Variants in WWC2 observed in about 807,000 individuals in gnomAD.
WWC2 encodes the protein protein WWC2.
A neutral mutation model predicts 138.5 loss-of-function variants in WWC2; 101 were observed. The ratio of observed to expected loss-of-function variants is 0.73; its 90% CI spans 0.62 to 0.86. The LOEUF is 0.86. Ranked by LOEUF, WWC2 falls within the 40% of genes least tolerant of loss-of-function variation. The probability of loss-of-function intolerance (pLI) is 0.00; values close to 1 mark genes in which losing one functional copy is unlikely to be tolerated. For missense variants in WWC2, 1,420 were observed against 1,419.4 expected (o/e 1.00, Z -0.01); for synonymous variants, 558 against 538.4 (o/e 1.04, Z -0.50).
At chr4:183,249,379 G>T (rs768846527) in intron 7 of WWC2, among the ~76,000 whole-genome samples, 7 of 152,256 alleles carry the variant, frequency 4.6e-5, no homozygotes, top group Non-Finnish European at 7.4e-5. Flanking sequence ...CCATTAGCAG[G>T]TATTTACTTC....
At chr4:183,232,498 A>G (rs1736276907) in intron 4 of WWC2, among the ~76,000 whole-genome samples, 2 of 152,118 alleles carry the variant, frequency 1.3e-5, no homozygotes, top group African/African-American at 4.8e-5. Context: ...CCTGTTACAG[A>G]CATTTCATAT....
intron 4 of WWC2, among the ~76,000 whole-genome samples, chr4:183,226,626 CAATAG>C (rs1736083495): frequency 6.6e-6 from 1 of 151,802 alleles, no homozygotes; most frequent in Admixed American, 6.6e-5. Flanking sequence ...AAAATGGTTA[CAATAG>C]AATAGCTCTG....
intron 1 of WWC2, among the ~76,000 whole-genome samples, chr4:183,187,291 C>T (rs970592655): frequency 2.0e-5 from 3 of 152,024 alleles, no homozygotes; most frequent in Non-Finnish European, 4.4e-5. Flanking sequence ...CAGTGGCTCA[C>T]GTCTGTAATC....
chr4:183,269,345 C>T, intron 15 of WWC2, 182 bp downstream of exon 15: 2 of 739,922 alleles, frequency 2.7e-6, no homozygotes, highest in Non-Finnish European at 4.9e-6. Flanking sequence ...TCTCTTATTC[C>T]AGACCTTTAA....
intron 21 of WWC2, among the ~76,000 whole-genome samples, chr4:183,290,575 A>G (rs761639931): frequency 2.0e-5 from 3 of 152,192 alleles, no homozygotes; most frequent in Non-Finnish European, 4.4e-5. Context: ...GCACCTACAT[A>G]CTACTGAAAT....
intron 15 of WWC2, chr4:183,269,457 G>A (rs1737627385): frequency 1.8e-6 from 1 of 547,732 alleles, no homozygotes; most frequent in Non-Finnish European, 3.6e-6. Flanking sequence ...CTCATGGAGT[G>A]TGCTTACCAC....
At chr4:183,183,068 G>A (rs1734684530) in intron 1 of WWC2, among the ~76,000 whole-genome samples, 1 of 152,208 alleles carries the variant, frequency 6.6e-6, no homozygotes, top group African/African-American at 2.4e-5. Context: ...TCTGAGTGTA[G>A]TAACATGCCT....
At chr4:183,215,018 G>T (rs1168493946) in intron 4 of WWC2, among the ~76,000 whole-genome samples, 3 of 152,168 alleles carry the variant, frequency 2.0e-5, no homozygotes, top group African/African-American at 7.2e-5. Context: ...AATTTGTATT[G>T]TACAGTAGCT....
chr4:183,251,206 C>T (rs1431663370), intron 8 of WWC2, among the ~76,000 whole-genome samples: 3 of 152,228 alleles, frequency 2.0e-5, no homozygotes, highest in Non-Finnish European at 2.9e-5. Flanking sequence ...AGATTAGTGC[C>T]TTCCCTTCAA....
In WWC2 at chr4:183,312,424, C is replaced by T; in HGVS notation, c.3468C>T (p.Leu1156=). 6.2e-7 allele frequency: 1 copy of T among 1,613,838 alleles called. No homozygotes were observed. The highest frequency in any genetic ancestry group is 8.5e-7 in the Non-Finnish European group (1 of 1,179,798). The change falls in exon 22 of 23, where the codon CTC becomes CTT. Residue 1156 remains leucine (L), a synonymous_variant. Coordinates refer to ENST00000403733, the MANE Select transcript of WWC2 (RefSeq NM_024949.6). ...MRQVSKDVCR[L]REQSQKVPRQ... ...AAGTCTCCAAGGACGTGTGTCGGCT[C>T]CGGGAGCAGAGCCAGAAGGTGCCTC...
chr4:183,173,207 G>T (rs1734343462), intron 1 of WWC2, among the ~76,000 whole-genome samples: 1 of 152,002 alleles, frequency 6.6e-6, no homozygotes, highest in African/African-American at 2.4e-5. Flanking sequence ...GCCATGCCTG[G>T]CTAATTTTTT....
chr4:183,203,128 C>T, intron 2 of WWC2, among the ~76,000 whole-genome samples: 1 of 151,460 alleles, frequency 6.6e-6, no homozygotes, highest in East Asian at 1.9e-4. Flanking sequence ...TTCTTTTTTC[C>T]AGTATTCGTA....
chr4:183,113,525 TGC>T (rs1561420332), intron 1 of WWC2, among the ~76,000 whole-genome samples: 3 of 135,364 alleles, frequency 2.2e-5, no homozygotes, highest in African/African-American at 2.9e-5. Context: ...TGCGCGCGCG[TGC>T]GCGCGCACAT....
At chr4:183,207,032 C>CT (rs1327153371) in intron 2 of WWC2, among the ~76,000 whole-genome samples, 2 of 152,136 alleles carry the variant, frequency 1.3e-5, no homozygotes, top group Non-Finnish European at 2.9e-5. Flanking sequence ...AAAGGGCTGA[C>CT]TTGCAGATGA....
At chr4:183,225,551 A>G (rs1736044465) in intron 4 of WWC2, among the ~76,000 whole-genome samples, 1 of 152,250 alleles carries the variant, frequency 6.6e-6, no homozygotes, top group Admixed American at 6.5e-5. Flanking sequence ...ATTAGTCACA[A>G]AACATTTAAA....
At chr4:183,119,525 G>A (rs147097537) in intron 1 of WWC2, among the ~76,000 whole-genome samples, 9 of 152,246 alleles carry the variant, frequency 5.9e-5, no homozygotes, top group East Asian at 3.9e-4. Flanking sequence ...CCTGCTGGGC[G>A]CCTCATTTCA....
intron 6 of WWC2, among the ~76,000 whole-genome samples, chr4:183,247,786 T>A (rs987284881): frequency 6.6e-5 from 9 of 137,180 alleles, no homozygotes; most frequent in Admixed American, 2.3e-4. Context: ...TATATATATA[T>A]TATATATATA....
rs562986917 is a variant in WWC2, at chr4:183,228,383, A to G, written c.523-11800A>G. ...AGATCAAGCAGATTTAAAAATTAGT[A>G]TAGAATAGGTAAATACACGTGGTTG... is the stretch of plus-strand genomic sequence containing the variant. On this transcript the variant is annotated intron_variant, in intron 4 of 22. Transcript: ENST00000403733. Among the ~76,000 whole-genome samples the G allele has an allele frequency of 1.2e-4, 18 of 152,206 alleles. No individual in the cohort carries two copies. The East Asian group carries it at 3.5e-3, about 29-fold the overall frequency.
At chr4:183,247,595 GCTATATATGCTATATATA>G (rs1438499884) in intron 6 of WWC2, among the ~76,000 whole-genome samples, 11 of 107,346 alleles carry the variant, frequency 1.0e-4, no homozygotes, top group African/African-American at 2.8e-4. Context: ...CTATATATAT[GCTATATATGCTATATATA>G]CTATATATAC....
Sources: gnomAD v4.1 joint callset for allele counts (sites outside exome capture counted in the v4.1 genomes callset) on GRCh38, gnomAD v4.1.1 for gene constraint, MANE v1.5 for transcripts, NCBI Gene and HGNC (gene_info 2026-07-23, HGNC 2026-07-21) for gene names.